Variants in DAAM1 observed in about 807,000 individuals in gnomAD.
The protein encoded by DAAM1 is dishevelled associated activator of morphogenesis 1.
DAAM1 carries 52 observed loss-of-function variants against 130.0 expected under a neutral mutation model. The ratio of observed to expected loss-of-function variants is 0.40; its 90% confidence interval spans 0.32 to 0.50. The LOEUF (loss-of-function observed/expected upper bound fraction) is 0.50. Among genes scored for constraint, DAAM1 ranks in the 20% least tolerant of loss-of-function variants. DAAM1 has a pLI of 0.61. For synonymous variants in DAAM1, 452 were observed against 444.5 expected, an observed-to-expected ratio of 1.02 and a Z score of -0.21; for missense variants, 1,134 against 1,303.8, an observed-to-expected ratio of 0.87 and a Z score of 2.01.
At chr14:59,236,937 C>T (rs1889323845) in intron 1 of DAAM1, among the ~76,000 whole-genome samples, 1 of 152,122 alleles carries the variant, frequency 6.6e-6, no homozygotes. Flanking sequence ...ACTTATTAGG[C>T]TTTGGGGGCT....
At chr14:59,368,523 A>G in intron 24 of DAAM1, 127 bp from the exon 25 acceptor site, 1 of 937,246 alleles carries the variant, frequency 1.1e-6, no homozygotes, top group Non-Finnish European at 1.6e-6. Context: ...TGATATCCAA[A>G]GGGGGTTATA....
intron 3 of DAAM1, among the ~76,000 whole-genome samples, chr14:59,292,289 A>T (rs1472764236): frequency 6.6e-6 from 1 of 152,142 alleles, no homozygotes; most frequent in Non-Finnish European, 1.5e-5. Context: ...CAATAATCCA[A>T]TATTTTTTCA....
chr14:59,367,595 C>T lies in DAAM1; in HGVS notation c.2993C>T (p.Ala998Val). The T allele has an allele frequency of 1.9e-6, 3 of 1,612,590 alleles. No homozygotes were observed. In the South Asian group the frequency reaches 3.3e-5, roughly 18 times the overall value. ...GAAGAACGTCGAGCTCGCATGGAAG[C>T]TCAGGTGAGAGGATGATTAATTGAC... ...EEEERRARME[A>V]QLKEQRERER... The change falls in exon 24 of 25, where the codon GCT becomes GTT. Residue 998 changes from alanine to valine, a missense_variant. By Grantham distance (64) the Ala-to-Val change is moderately conservative. Coordinates refer to ENST00000360909, the MANE Select transcript of DAAM1 (RefSeq NM_001270520.2).
chr14:59,362,450 A>T (rs543054128), intron 22 of DAAM1: 1 of 152,316 alleles, frequency 6.6e-6, no homozygotes, highest in South Asian at 2.1e-4. Flanking sequence ...TTATGAAATT[A>T]TACATTAATG....
Position 59,324,167 on chromosome 14 carries a change from C to G in DAAM1, c.814C>G (p.Arg272Gly). The change falls in exon 7 of 25, where the codon CGA becomes GGA. Residue 272 changes from arginine to glycine, a missense_variant. By Grantham distance (125) the Arg-to-Gly change is moderately radical (BLOSUM62 -2). Around this residue, in one of 3 missense-constraint regions of DAAM1, gnomAD observed 391 missense variants for 521.6 expected, o/e 0.75. Coordinates refer to ENST00000360909, the MANE Select transcript of DAAM1 (RefSeq NM_001270520.2). ...CTTGGATAAAAGCACTGGGCGGTAT[C>G]GAGATGAAGTGAGTCTCAAGACTGC... Reference protein sequence around the residue: ...NDLDKSTGRYRDEVSLKTAIM... With the variant: ...NDLDKSTGRYGDEVSLKTAIM... 6.9e-7 allele frequency: 1 copy of G among 1,451,282 alleles called. No individual in the cohort carries two copies. The highest frequency in any genetic ancestry group is 9.1e-7 in the Non-Finnish European group (1 of 1,093,324). 89.9% of individuals were successfully genotyped at this position (1,451,282 alleles called of 1,614,324 possible).
chr14:59,330,739 T>A (rs2146011), intron 13 of DAAM1, 51 bp downstream of exon 13: 14 of 1,526,182 alleles, frequency 9.2e-6, no homozygotes, highest in Non-Finnish European at 1.2e-5. Flanking sequence ...TCACTGACCC[T>A]AGAGCCCCTC....
chr14:59,359,709 A>G (rs1191254323), intron 21 of DAAM1, among the ~76,000 whole-genome samples: 1 of 152,228 alleles, frequency 6.6e-6, no homozygotes, highest in Admixed American at 6.5e-5. Context: ...GGAATACTGC[A>G]TGCAATTTTT....
intron 1 of DAAM1, among the ~76,000 whole-genome samples, chr14:59,215,108 A>G (rs1032397573): frequency 6.6e-6 from 1 of 152,218 alleles, no homozygotes; most frequent in African/African-American, 2.4e-5. Context: ...AACAGATGAA[A>G]GTGAAATAAA....
chr14:59,310,775 C>T (rs536737044), intron 3 of DAAM1, among the ~76,000 whole-genome samples: 13 of 152,194 alleles, frequency 8.5e-5, no homozygotes, highest in African/African-American at 2.9e-4. Flanking sequence ...TCTTCCTTGA[C>T]AGATATTATC....
At chr14:59,202,045 T>C (rs1888120725) in intron 1 of DAAM1, among the ~76,000 whole-genome samples, 1 of 152,208 alleles carries the variant, frequency 6.6e-6, no homozygotes, top group South Asian at 2.1e-4. Context: ...GGAAACAAAC[T>C]ACCCATTCAC....
At chr14:59,196,951 C>T (rs892439669) in intron 1 of DAAM1, among the ~76,000 whole-genome samples, 7 of 152,034 alleles carry the variant, frequency 4.6e-5, no homozygotes, top group South Asian at 2.1e-4. Context: ...GACGGAGTCT[C>T]GCTCTGTCGC....
intron 1 of DAAM1, among the ~76,000 whole-genome samples, chr14:59,260,521 T>G (rs775672595): frequency 2.0e-5 from 3 of 152,186 alleles, no homozygotes; most frequent in African/African-American, 7.2e-5. Flanking sequence ...TAAATATTAT[T>G]TTACAAAGGG....
rs1256719471 is a variant in DAAM1 at position 59,331,291 on chromosome 14, T to C, written c.1643T>C (p.Leu548Pro). 6.2e-7 allele frequency: 1 copy of C among 1,612,526 alleles called. No homozygotes were observed. The highest frequency in any genetic ancestry group is 8.5e-7 in the Non-Finnish European group (1 of 1,179,966). Residue 548 changes from leucine to proline, a missense_variant, in exon 14 of 25, where the codon CTC becomes CCC. Coordinates refer to ENST00000360909, the MANE Select transcript of DAAM1 (RefSeq NM_001270520.2). Reference sequence around the variant, plus strand: ...TTTCCTTCCTCTGTGCCTGGATCTCTCCTTCCTCCCCCACCACCCCCACCT... The same window carrying C: ...TTTCCTTCCTCTGTGCCTGGATCTCCCCTTCCTCCCCCACCACCCCCACCT... ...GPFPSSVPGS[L>P]LPPPPPPPLP...
intron 1 of DAAM1, among the ~76,000 whole-genome samples, chr14:59,191,714 T>A (rs1344060537): frequency 1.3e-5 from 2 of 152,186 alleles, no homozygotes; most frequent in Non-Finnish European, 2.9e-5. Flanking sequence ...ATTTCTAGAT[T>A]TCTCTCAGTT....
chr14:59,327,698 C>T (rs761959504), intron 12 of DAAM1, among the ~76,000 whole-genome samples: 5 of 152,186 alleles, frequency 3.3e-5, no homozygotes, highest in African/African-American at 2.4e-5. Context: ...TGAGCCACCG[C>T]GCCCGGCCTA....
chr14:59,360,398 T>TC (rs1886659577), intron 21 of DAAM1, among the ~76,000 whole-genome samples: 5 of 152,272 alleles, frequency 3.3e-5, no homozygotes, highest in African/African-American at 7.2e-5. Flanking sequence ...ACACTGATTA[T>TC]ACAGAGTACA....
intron 3 of DAAM1, chr14:59,291,646 C>T: frequency 4.9e-6 from 1 of 203,398 alleles, no homozygotes; most frequent in Non-Finnish European, 9.6e-6. Flanking sequence ...GGGGTCACAG[C>T]CCTCTAAAAC....
intron 1 of DAAM1, among the ~76,000 whole-genome samples, chr14:59,242,101 A>G (rs974271032): frequency 6.6e-6 from 1 of 152,220 alleles, no homozygotes; most frequent in Admixed American, 6.5e-5. Flanking sequence ...CAGGCTATGT[A>G]TCTTAACTAA....
chr14:59,315,787 CATCATG>C (rs1313372813), intron 4 of DAAM1, among the ~76,000 whole-genome samples: 1 of 152,114 alleles, frequency 6.6e-6, no homozygotes, highest in African/African-American at 2.4e-5. Flanking sequence ...TATTTCCTGG[CATCATG>C]ATTTTGCAGG....
Sources: gnomAD v4.1 joint callset for allele counts (sites outside exome capture counted in the v4.1 genomes callset) on GRCh38, gnomAD v4.1.1 for gene constraint, gnomAD v4.1.1 regional missense constraint, MANE v1.5 for transcripts, NCBI Gene and HGNC (gene_info 2026-07-23, HGNC 2026-07-21) for gene names.